Variants in TMEM132C observed in about 807,000 individuals in gnomAD.
TMEM132C encodes the protein protein phosphatase 1, regulatory subunit 152.
Under a neutral mutation model 61.4 loss-of-function variants are expected in TMEM132C, and 29 were observed. The observed-to-expected ratio is 0.47, with a 90% CI of 0.35 to 0.64. The LOEUF (loss-of-function observed/expected upper bound fraction) is 0.64, where lower values mean the gene tolerates loss of function less well. TMEM132C is among the 30% of genes least tolerant of loss of function. TMEM132C has a pLI of 0.00. For synonymous variants in TMEM132C, 656 were observed against 633.1 expected, an observed-to-expected ratio of 1.04 and a Z score of -0.54; for missense variants, 1,408 against 1,476.9, an observed-to-expected ratio of 0.95 and a Z score of 0.76.
At chr12:128,384,731 C>T (rs988710812) in intron 1 of TMEM132C, among the ~76,000 whole-genome samples, 7 of 152,118 alleles carry the variant, frequency 4.6e-5, no homozygotes, top group African/African-American at 1.4e-4. Flanking sequence ...ATATTCTGTC[C>T]GCTCCAAATC....
chr12:128,687,706 A>G (rs914407628), intron 5 of TMEM132C, among the ~76,000 whole-genome samples: 2 of 152,236 alleles, frequency 1.3e-5, no homozygotes, highest in African/African-American at 4.8e-5. Flanking sequence ...GAACTTGTAC[A>G]TCATTTAAGG....
intron 1 of TMEM132C, among the ~76,000 whole-genome samples, chr12:128,384,164 T>C (rs1320025731): frequency 6.6e-6 from 1 of 152,160 alleles, no homozygotes; most frequent in East Asian, 1.9e-4. Flanking sequence ...TTAGAGGAGC[T>C]GAAGTCTGAC....
At chr12:128,508,557 A>G (rs1464912126) in intron 2 of TMEM132C, among the ~76,000 whole-genome samples, 1 of 152,182 alleles carries the variant, frequency 6.6e-6, no homozygotes, top group Non-Finnish European at 1.5e-5. Context: ...GTGCAGAGCC[A>G]CTTCCTGCGG....
chr12:128,367,080 A>G (rs1484620914), intron 1 of TMEM132C, among the ~76,000 whole-genome samples: 2 of 152,222 alleles, frequency 1.3e-5, no homozygotes, highest in African/African-American at 2.4e-5. Flanking sequence ...AGAGCATTCT[A>G]GAATGTGAAA....
At chr12:128,372,954 T>A (rs184895989) in intron 1 of TMEM132C, among the ~76,000 whole-genome samples, 7 of 152,340 alleles carry the variant, frequency 4.6e-5, no homozygotes, top group Admixed American at 1.3e-4. Flanking sequence ...TATGACACAT[T>A]CAGAAGCATC....
intron 4 of TMEM132C, among the ~76,000 whole-genome samples, chr12:128,634,490 G>A (rs550248528): frequency 6.6e-5 from 10 of 152,218 alleles, no homozygotes; most frequent in Admixed American, 1.3e-4. Flanking sequence ...CTGCTTCTTC[G>A]TAATTCATTA....
Position 128,326,674 on chromosome 12 carries a change from G to A in TMEM132C, c.85+59187G>A, listed in dbSNP as rs2135940584. On this transcript the variant is annotated intron_variant, in intron 1 of 8. Transcript: ENST00000435159. This position sits in a 1 kb window ranked among gnomAD's most constrained non-coding sequence, Gnocchi z 5.6. ...CACTCTCGAGGAAGGGAACACTGAA[G>A]CAGGATCTCTATTAGCCTTTGTGCC... Among the ~76,000 whole-genome samples, 1 of 152,334 alleles carries A rather than the reference G, an allele frequency of 6.6e-6. No individual in the cohort carries two copies. The highest frequency in any genetic ancestry group is 3.4e-3 in the Middle Eastern group (1 of 294).
chr12:128,686,481 C>T (rs7133337), intron 5 of TMEM132C, among the ~76,000 whole-genome samples: 18,671 of 152,056 alleles, frequency 0.12, 1,270 homozygotes, highest in Middle Eastern at 0.18. Flanking sequence ...TAGTCCCAGC[C>T]ACTTGGAAGC....
At chr12:128,378,793 GTTCTCATAA>G (rs1247272912) in intron 1 of TMEM132C, among the ~76,000 whole-genome samples, 1 of 152,140 alleles carries the variant, frequency 6.6e-6, no homozygotes, top group East Asian at 1.9e-4. Context: ...TTGAATTATA[GTTCTCATAA>G]TCCCACGTAT....
At chr12:128,594,498 A>G (rs1875876660) in intron 3 of TMEM132C, among the ~76,000 whole-genome samples, 2 of 152,030 alleles carry the variant, frequency 1.3e-5, no homozygotes, top group African/African-American at 4.8e-5. Flanking sequence ...GAAAGAATGC[A>G]CATTGCACGG....
intron 1 of TMEM132C, among the ~76,000 whole-genome samples, chr12:128,291,129 A>C (rs145044919): frequency 6.6e-6 from 1 of 152,110 alleles, no homozygotes; most frequent in African/African-American, 2.4e-5. Flanking sequence ...GGAATCCCCA[A>C]ATTCTCGAGG....
intron 5 of TMEM132C, among the ~76,000 whole-genome samples, chr12:128,686,062 T>C (rs558677264): frequency 2.3e-4 from 18 of 79,350 alleles, no homozygotes; most frequent in African/African-American, 5.8e-4. Context: ...CATGTGTGTG[T>C]GTGCATGCGT....
chr12:128,513,931 G>A (rs1251481987), intron 2 of TMEM132C, among the ~76,000 whole-genome samples: 1 of 152,174 alleles, frequency 6.6e-6, no homozygotes, highest in Non-Finnish European at 1.5e-5. Context: ...TCCAAGAATA[G>A]CTGAACCTGC....
chr12:128,528,959 G>A (rs1309148709), intron 2 of TMEM132C, among the ~76,000 whole-genome samples: 1 of 152,118 alleles, frequency 6.6e-6, no homozygotes, highest in African/African-American at 2.4e-5. Context: ...TTAGTTCCAA[G>A]GCTAAAAATT....
At chr12:128,280,593 G>GT (rs1870859808) in intron 1 of TMEM132C, among the ~76,000 whole-genome samples, 1 of 152,176 alleles carries the variant, frequency 6.6e-6, no homozygotes, top group African/African-American at 2.4e-5. Flanking sequence ...GGTATCTTTT[G>GT]AGTGGATGGA....
intron 4 of TMEM132C, among the ~76,000 whole-genome samples, chr12:128,637,082 C>CTCT (rs1416756208): frequency 6.6e-6 from 1 of 152,172 alleles, no homozygotes; most frequent in African/African-American, 2.4e-5. Context: ...GTGCAGATAA[C>CTCT]TCTTCTACAT....
chr12:128,332,071 TATG>T (rs1872678318), intron 1 of TMEM132C, among the ~76,000 whole-genome samples: 1 of 152,210 alleles, frequency 6.6e-6, no homozygotes, highest in East Asian at 1.9e-4. Flanking sequence ...TTATGGGACA[TATG>T]ATGATGCCAC....
In TMEM132C at chr12:128,394,089, G is replaced by A. The variant is rs370479606; in HGVS notation, c.86-20643G>A. On this transcript the variant is annotated intron_variant, in intron 1 of 8. Transcript: ENST00000435159. The stretch of plus-strand genomic sequence containing the variant: ...ATGAGGCTGGGGAGGCCTCACAATC[G>A]TGGGGGAAGGTGAAAGGCGTGTCTT... 1.4e-4 allele frequency among the ~76,000 whole-genome samples: 21 copies of A among 152,276 alleles called. No individual in the cohort carries two copies. In the Middle Eastern group the frequency reaches 0.01, roughly 74 times the overall value.
At chr12:128,635,346 G>A (rs1954094644) in intron 4 of TMEM132C, among the ~76,000 whole-genome samples, 1 of 152,012 alleles carries the variant, frequency 6.6e-6, no homozygotes, top group African/African-American at 2.4e-5. Flanking sequence ...AAAAGGAATT[G>A]TTAATGGAAT....
Sources: gnomAD v4.1 joint callset for allele counts (sites outside exome capture counted in the v4.1 genomes callset) on GRCh38, gnomAD v4.1.1 for gene constraint, Gnocchi (gnomAD v3.1) non-coding constraint, MANE v1.5 for transcripts, NCBI Gene and HGNC (gene_info 2026-07-23, HGNC 2026-07-21) for gene names.